Variants in ZC3H14 observed in about 807,000 individuals in gnomAD.
The protein encoded by ZC3H14 is zinc finger CCCH-type containing 14.
Under a neutral mutation model 92.4 loss-of-function variants are expected in ZC3H14, and 31 were observed. The observed-to-expected ratio is 0.34, with a 90% confidence interval of 0.25 to 0.45. The LOEUF (loss-of-function observed/expected upper bound fraction) is 0.45. Ranked by LOEUF, ZC3H14 falls within the 20% of genes least tolerant of loss-of-function variation. The pLI, the probability that ZC3H14 is intolerant of heterozygous loss-of-function variation, is 1.00. For synonymous variants in ZC3H14, 321 were observed against 300.9 expected, an observed-to-expected ratio of 1.07 and a Z score of -0.69; for missense variants, 781 against 897.3, an observed-to-expected ratio of 0.87 and a Z score of 1.66.
chr14:88,589,636 C>CA (rs1196557754), intron 9 of ZC3H14: 1 of 152,208 alleles, frequency 6.6e-6, no homozygotes, highest in African/African-American at 2.4e-5. Context: ...TAGTCTTCCT[C>CA]ATTTTAGTTT....
At position 88,624,875 on chromosome 14, in the gene ZC3H14, ACT is replaced by A. The variant is rs914130924; in HGVS notation, c.*13127_*13128del. ...TATGAGGAGGAAGGTCGGAGAGGAC[ACT>A]CTGTGTAGCCTAGAAACAACTAGAA... On this transcript the variant is annotated 3_prime_UTR_variant, in exon 17 of 17. Transcript: ENST00000251038. 2 of 1,396,178 alleles carry A rather than the reference ACT, an allele frequency of 1.4e-6. No homozygotes were observed. The highest frequency in any genetic ancestry group is 2.9e-5 in the African/African-American group (2 of 69,302). The allele number at this position is 1,396,178 out of a possible 1,614,324, so 86.5% of individuals were successfully genotyped here.
chr14:88,610,895 A>G lies in ZC3H14; in HGVS notation c.2159A>G (p.Asn720Ser), dbSNP rs767628348. The G allele has an allele frequency of 1.2e-5, 19 of 1,614,058 alleles. No individual in the cohort carries two copies. In the East Asian group the frequency reaches 3.3e-4, roughly 28 times the overall value. ...TGCACATTCTACCATCCCACCATTA[A>G]TGTCCCACCACGACATGCCTTGAAA... ...PDCTFYHPTINVPPRHALKWI... is the reference protein window; with the variant it reads ...PDCTFYHPTISVPPRHALKWI... The change falls in exon 16 of 17, where the codon AAT becomes AGT. Residue 720 changes from asparagine (N) to serine (S), a missense_variant. By Grantham distance (46) the Asn-to-Ser change is conservative. Coordinates refer to ENST00000251038, the MANE Select transcript of ZC3H14 (RefSeq NM_024824.5).
Position 88,572,999 on chromosome 14 carries a change from A to C in ZC3H14, c.853A>C (p.Ser285Arg). ...CTTTAGAAACAACTCGGAGAAAATG[A>C]GTATGGAGGTTTGTATGTACTTTTA... ...PFFRNNSEKM[S>R]MEDENFRKRK... The change falls in exon 6 of 17, where the codon AGT becomes CGT. Residue 285 changes from serine (S) to arginine (R), a missense_variant. Physicochemically the swap from Ser to Arg is moderately radical, Grantham distance 110 (BLOSUM62 -1). Around this residue, in one of 3 missense-constraint regions of ZC3H14, gnomAD observed 454 missense variants for 438.5 expected, o/e 1.04. Transcript: ENST00000251038. The C allele has an allele frequency of 6.2e-7, 1 of 1,613,978 alleles. No individual in the cohort carries two copies. The highest frequency in any genetic ancestry group is 1.1e-5 in the South Asian group (1 of 91,062).
rs375445382 is a variant in ZC3H14, at chr14:88,619,610, G to A, written c.*7859G>A. 2.1e-4 allele frequency: 32 copies of A among 152,334 alleles called. 1 individual carries two copies. The highest frequency in any genetic ancestry group is 7.5e-4 in the African/African-American group (31 of 41,586). 9.4% of individuals were successfully genotyped at this position (152,334 alleles called of 1,614,324 possible). On this transcript the variant is annotated 3_prime_UTR_variant, in exon 17 of 17. Coordinates refer to ENST00000251038, the MANE Select transcript of ZC3H14 (RefSeq NM_024824.5). ...GGAAAAAACGTTGTCTTAATATTAAGCAAAGAACACAGCCCAGCTTAACTA... is the reference window on the plus strand; with the variant it reads ...GGAAAAAACGTTGTCTTAATATTAAACAAAGAACACAGCCCAGCTTAACTA...
Position 88,618,410 on chromosome 14 carries a change from C to T in ZC3H14, c.*6659C>T, listed in dbSNP as rs2088130252. On this transcript the variant is annotated 3_prime_UTR_variant, in exon 17 of 17. Transcript: ENST00000251038. Reference sequence around the variant, plus strand: ...CCACAGGGGGTTTACAGAATACTAGCATATTGCTACTTGATTTACATGTCT... The same window carrying T: ...CCACAGGGGGTTTACAGAATACTAGTATATTGCTACTTGATTTACATGTCT... The T allele has an allele frequency of 6.4e-6, 8 of 1,251,648 alleles. No homozygotes were observed. Among genetic ancestry groups the T allele is most frequent in the African/African-American group, 1.5e-5 (1 of 67,700 alleles). 77.5% of individuals were successfully genotyped at this position (1,251,648 alleles called of 1,614,324 possible).
chr14:88,588,992 G>C (rs2082776478), intron 9 of ZC3H14, among the ~76,000 whole-genome samples: 1 of 152,050 alleles, frequency 6.6e-6, no homozygotes, highest in Admixed American at 6.6e-5. Flanking sequence ...CCTAATTAAA[G>C]GGATTTTTTT....
At chr14:88,595,247 AT>A in intron 9 of ZC3H14, 1 of 1,463,984 alleles carries the variant, frequency 6.8e-7, no homozygotes, top group Admixed American at 2.4e-5. Context: ...TTAATGACAA[AT>A]TTGGATTCTG....
chr14:88,569,530 G>C (rs1356856062), intron 3 of ZC3H14, among the ~76,000 whole-genome samples: 1 of 152,140 alleles, frequency 6.6e-6, no homozygotes, highest in Non-Finnish European at 1.5e-5. Flanking sequence ...CCAGGTTTGA[G>C]GTAAAGTGAG....
At chr14:88,609,887 A>G (rs1442491562) in intron 15 of ZC3H14, 84 bp downstream of exon 15, 2 of 1,430,544 alleles carry the variant, frequency 1.4e-6, no homozygotes, top group Non-Finnish European at 2.0e-6. Flanking sequence ...GAGTTACTAC[A>G]TTGGTGCAAA....
At chr14:88,578,886 G>C (rs1011109826) in intron 9 of ZC3H14, among the ~76,000 whole-genome samples, 2 of 128,804 alleles carry the variant, frequency 1.6e-5, no homozygotes, top group Non-Finnish European at 3.1e-5. Context: ...TGACTCCTTT[G>C]TGAAAGTATC....
intron 9 of ZC3H14, chr14:88,592,490 C>CTTTTTTTTTTTTTTTTTTTTT (rs1566945839): frequency 8.6e-6 from 1 of 115,984 alleles, no homozygotes. Flanking sequence ...TATAAGGATT[C>CTTTTTTTTTTTTTTTTTTTTT]CTTTTTTTTT....
Position 88,616,086 on chromosome 14 carries a change from T to G in ZC3H14, c.*4335T>G. ...ACCAAAGCTGTAGGAGTTGTTGTAT[T>G]AAGTCTCTTAACTAGTAACATAGTC... On this transcript the variant is annotated 3_prime_UTR_variant, in exon 17 of 17. Transcript: ENST00000251038. 1 of 1,565,114 alleles carries G rather than the reference T, an allele frequency of 6.4e-7. No individual in the cohort carries two copies. The highest frequency in any genetic ancestry group is 1.1e-5 in the South Asian group (1 of 89,786).
At position 88,618,419 on chromosome 14, in the gene ZC3H14, A is replaced by G; in HGVS notation, c.*6668A>G. On this transcript the variant is annotated 3_prime_UTR_variant, in exon 17 of 17. Transcript: ENST00000251038. ...GTTTACAGAATACTAGCATATTGCT[A>G]CTTGATTTACATGTCTAACATTATT... 1 of 1,210,876 alleles carries G rather than the reference A, an allele frequency of 8.3e-7. No individual in the cohort carries two copies. Among genetic ancestry groups the G allele is most frequent in the Non-Finnish European group, 1.2e-6 (1 of 836,658 alleles). 75.0% of individuals were successfully genotyped at this position (1,210,876 alleles called of 1,614,324 possible).
At chr14:88,596,584 GGT>G (rs1205017744) in intron 9 of ZC3H14, 148 bp from the exon 10 acceptor site, 2 of 701,920 alleles carry the variant, frequency 2.8e-6, no homozygotes, top group Non-Finnish European at 5.0e-6. Flanking sequence ...ATATGTCTTT[GGT>G]CTATAAATAC....
chr14:88,568,110 C>T lies in ZC3H14; in HGVS notation c.151C>T (p.Leu51=). Residue 51 remains leucine, a synonymous_variant, in exon 3 of 17, where the codon CTG becomes TTG. Transcript: ENST00000251038. ...AAGTCAGGACCAAATGACAGAGGAT[C>T]TGTCCCTGTTTCTAGGGAACAACAC... ...KKSQDQMTED[L]SLFLGNNTIR... is the part of the protein sequence containing the mutation. 1 of 1,614,164 alleles carries T rather than the reference C, an allele frequency of 6.2e-7. No individual in the cohort carries two copies. The highest frequency in any genetic ancestry group is 8.5e-7 in the Non-Finnish European group (1 of 1,179,986).
At chr14:88,563,774 C>G (rs1407455994) in intron 2 of ZC3H14, 81 bp downstream of exon 2, 5 of 1,356,852 alleles carry the variant, frequency 3.7e-6, no homozygotes, top group Non-Finnish European at 5.3e-6. Flanking sequence ...TATTTCTCAC[C>G]GTACTTTGGA....
chr14:88,609,102 T>C (rs2086105453), intron 13 of ZC3H14, 165 bp from the exon 14 acceptor site: 1 of 818,282 alleles, frequency 1.2e-6, no homozygotes, highest in African/African-American at 1.7e-5. Flanking sequence ...AATGATTGTG[T>C]CCTATTTTGA....
intron 12 of ZC3H14, among the ~76,000 whole-genome samples, chr14:88,605,896 T>A (rs2085325513): frequency 6.6e-6 from 1 of 152,198 alleles, no homozygotes; most frequent in Non-Finnish European, 1.5e-5. Context: ...GACATTATTT[T>A]CTCTTTGTAT....
rs1337161190 is a variant in ZC3H14 at position 88,618,362 on chromosome 14, T to C, written c.*6611T>C. On this transcript the variant is annotated 3_prime_UTR_variant, in exon 17 of 17. Coordinates refer to ENST00000251038, the MANE Select transcript of ZC3H14 (RefSeq NM_024824.5). The stretch of plus-strand genomic sequence containing the variant: ...TCATCAGATTAAAATGGGACAAGAA[T>C]TCCATTAGGTGAGAGACAAAATCCA... 6.3e-7 allele frequency: 1 copy of C among 1,589,138 alleles called. No homozygotes were observed. Among genetic ancestry groups the C allele is most frequent in the Non-Finnish European group, 8.6e-7 (1 of 1,159,722 alleles).
Sources: allele counts gnomAD v4.1 joint callset (sites outside exome capture counted in the v4.1 genomes callset), GRCh38; gene constraint gnomAD v4.1.1; regional missense constraint gnomAD v4.1.1; transcripts MANE v1.5; gene names NCBI Gene and HGNC (gene_info 2026-07-23, HGNC 2026-07-21).